Variants in SLC4A4 observed in about 807,000 individuals in gnomAD.
SLC4A4 encodes the protein solute carrier family 4 member 4.
Under a neutral mutation model 111.5 loss-of-function variants are expected in SLC4A4, and 27 were observed. The observed-to-expected ratio is 0.24, with a 90% CI of 0.18 to 0.33. The LOEUF (loss-of-function observed/expected upper bound fraction) is 0.33, where lower values mean the gene tolerates loss of function less well. Among genes scored for constraint, SLC4A4 ranks in the 10% least tolerant of loss-of-function variants. The pLI is 1.00. For synonymous variants in SLC4A4, 443 were observed against 463.4 expected (o/e 0.96, Z 0.57); for missense variants, 909 against 1,315.5 (o/e 0.69, Z 4.78).
chr4:71,197,554 C>A (rs996911849), intron 1 of SLC4A4, among the ~76,000 whole-genome samples: 1 of 152,074 alleles, frequency 6.6e-6, no homozygotes, highest in Non-Finnish European at 1.5e-5. Flanking sequence ...TGCAAAAATA[C>A]AGTGCAGAGA....
At chr4:71,333,464 GA>G (rs1347605324) in intron 3 of SLC4A4, among the ~76,000 whole-genome samples, 1 of 152,212 alleles carries the variant, frequency 6.6e-6, no homozygotes, top group Non-Finnish European at 1.5e-5. Context: ...TTACTACTGG[GA>G]TTATACTGGG....
intron 20 of SLC4A4, among the ~76,000 whole-genome samples, chr4:71,553,368 A>T (rs991039586): frequency 1.3e-5 from 2 of 151,888 alleles, no homozygotes; most frequent in African/African-American, 4.8e-5. Flanking sequence ...AGTGTCCTTC[A>T]CTTTGACATT....
intron 6 of SLC4A4, among the ~76,000 whole-genome samples, chr4:71,395,299 A>G (rs1719715834): frequency 6.6e-6 from 1 of 152,184 alleles, no homozygotes; most frequent in South Asian, 2.1e-4. Flanking sequence ...CATCTTGCTT[A>G]GTTACTAGAA....
intron 3 of SLC4A4, among the ~76,000 whole-genome samples, chr4:71,307,444 A>G (rs1285917324): frequency 1.3e-5 from 2 of 152,244 alleles, no homozygotes; most frequent in African/African-American, 4.8e-5. Context: ...TTTGCATTCA[A>G]CAATTCAAAA....
rs567536943 is a variant in SLC4A4, at chr4:71,294,930, A to G, written c.253+39531A>G. Reference sequence around the variant, plus strand: ...AGTTTTTTCCTATGACAAAAATCCAATCTTACTCAGTAAAACAAATGATTT... The same window carrying G: ...AGTTTTTTCCTATGACAAAAATCCAGTCTTACTCAGTAAAACAAATGATTT... On this transcript the variant is annotated intron_variant, in intron 3 of 25. Coordinates refer to ENST00000264485, the MANE Select transcript of SLC4A4 (RefSeq NM_001098484.3). Among the ~76,000 whole-genome samples the G allele has an allele frequency of 3.3e-5, 5 of 152,338 alleles. No homozygotes were observed. The East Asian group carries it at 9.6e-4, about 29-fold the overall frequency.
rs1745519760 is a variant in SLC4A4, at chr4:71,187,398, G to A, written c.-5G>A. On this transcript the variant is annotated 5_prime_UTR_variant, in exon 1 of 26. Transcript: ENST00000264485. ...GAGGAGCGACGGAAGCCAGACCCCAGGAGGTGAGCGCCCGGCCCCGGCAGC... is the reference window on the plus strand; with the variant it reads ...GAGGAGCGACGGAAGCCAGACCCCAAGAGGTGAGCGCCCGGCCCCGGCAGC... 1 of 152,082 alleles carries A rather than the reference G, an allele frequency of 6.6e-6. No homozygotes were observed. The highest frequency in any genetic ancestry group is 2.4e-5 in the African/African-American group (1 of 41,388). 9.4% of individuals were successfully genotyped at this position (152,082 alleles called of 1,614,324 possible).
intron 2 of SLC4A4, among the ~76,000 whole-genome samples, chr4:71,240,251 C>A (rs1720101828): frequency 6.6e-6 from 1 of 152,122 alleles, no homozygotes; most frequent in African/African-American, 2.4e-5. Context: ...ACTTAATAGT[C>A]TCATATTTTG....
At chr4:71,122,488 C>T (rs1458775559) in intron 2 of SLC4A4, among the ~76,000 whole-genome samples, 1 of 151,822 alleles carries the variant, frequency 6.6e-6, no homozygotes, top group Admixed American at 6.6e-5. Context: ...TAGAATTCCA[C>T]CACTGAGCAT....
chr4:71,552,193 A>G (rs1016072011), intron 20 of SLC4A4, among the ~76,000 whole-genome samples: 1 of 151,922 alleles, frequency 6.6e-6, no homozygotes, highest in Non-Finnish European at 1.5e-5. Context: ...TATACTCTTT[A>G]TCATACCCTC....
At chr4:71,128,463 A>T (rs78751418) in intron 2 of SLC4A4, among the ~76,000 whole-genome samples, 1,529 of 152,258 alleles carry the variant, frequency 0.01, 19 homozygotes, top group Non-Finnish European at 0.015. Flanking sequence ...CCTGTCTCAA[A>T]AAAAGAAAAA....
Position 71,447,675 on chromosome 4 carries a change from G to A in SLC4A4, c.995G>A (p.Gly332Glu), listed in dbSNP as rs572285443. The change falls in exon 9 of 26, where the codon GGG becomes GAG. Residue 332 changes from glycine (G) to glutamate (E), a missense_variant. This residue lies in a region of SLC4A4 where 312 missense variants were observed against 402.0 expected (regional missense o/e 0.78). Transcript: ENST00000264485. Reference sequence around the variant, plus strand: ...TTGTTCATTCTCTTAGGTCCTAAGGGGAAAGCCAAGTCCTACCACGAGATT... The same window carrying A: ...TTGTTCATTCTCTTAGGTCCTAAGGAGAAAGCCAAGTCCTACCACGAGATT... ...RFLFILLGPKGKAKSYHEIGR... is the reference protein window; with the variant it reads ...RFLFILLGPKEKAKSYHEIGR... 1.2e-6 allele frequency: 2 copies of A among 1,612,834 alleles called. No individual in the cohort carries two copies. The highest frequency in any genetic ancestry group is 1.7e-6 in the Non-Finnish European group (2 of 1,179,074).
intron 3 of SLC4A4, among the ~76,000 whole-genome samples, chr4:71,320,248 C>T (rs1727012620): frequency 6.6e-6 from 1 of 152,026 alleles, no homozygotes; most frequent in Non-Finnish European, 1.5e-5. Flanking sequence ...TTGACTCCTA[C>T]ATATCAACAC....
intron 6 of SLC4A4, among the ~76,000 whole-genome samples, chr4:71,360,987 C>G (rs1385694249): frequency 6.6e-6 from 1 of 152,214 alleles, no homozygotes; most frequent in East Asian, 1.9e-4. Context: ...TACAGGCTTC[C>G]TGCCTTGCAG....
intron 15 of SLC4A4, among the ~76,000 whole-genome samples, chr4:71,496,283 A>G (rs537619255): frequency 1.4e-3 from 210 of 152,184 alleles, no homozygotes; most frequent in Non-Finnish European, 1.0e-3. Context: ...GTCGGCTGTT[A>G]TAGAAGCAGA....
At chr4:71,469,117 A>G (rs1727642287) in intron 13 of SLC4A4, among the ~76,000 whole-genome samples, 1 of 152,018 alleles carries the variant, frequency 6.6e-6, no homozygotes, top group African/African-American at 2.4e-5. Flanking sequence ...TATTTCCCAA[A>G]TTCTGCAATC....
intron 16 of SLC4A4, among the ~76,000 whole-genome samples, chr4:71,519,505 T>G (rs754435202): frequency 6.6e-6 from 1 of 152,256 alleles, no homozygotes; most frequent in Non-Finnish European, 1.5e-5. Context: ...AAAGTATGTG[T>G]GATTTCTAAA....
At chr4:71,258,989 C>T (rs1332674481) in intron 3 of SLC4A4, among the ~76,000 whole-genome samples, 1 of 152,196 alleles carries the variant, frequency 6.6e-6, no homozygotes, top group Non-Finnish European at 1.5e-5. Context: ...CATGAGCTGG[C>T]ACCGTGGCAC....
At chr4:71,398,892 T>G (rs896277742) in intron 7 of SLC4A4, among the ~76,000 whole-genome samples, 4 of 152,236 alleles carry the variant, frequency 2.6e-5, no homozygotes, top group African/African-American at 9.6e-5. Flanking sequence ...GCTCCATGCT[T>G]GATATGCTAA....
At chr4:71,308,841 T>C (rs1725906718) in intron 3 of SLC4A4, among the ~76,000 whole-genome samples, 1 of 152,130 alleles carries the variant, frequency 6.6e-6, no homozygotes, top group Non-Finnish European at 1.5e-5. Flanking sequence ...CAGTAGTTCC[T>C]GGAACCCCAG....
Sources: allele counts gnomAD v4.1 joint callset (sites outside exome capture counted in the v4.1 genomes callset), GRCh38; gene constraint gnomAD v4.1.1; regional missense constraint gnomAD v4.1.1; transcripts MANE v1.5; gene names NCBI Gene and HGNC (gene_info 2026-07-23, HGNC 2026-07-21).